SLC26A1: variants seen among roughly 807,000 people sequenced by gnomAD.
SLC26A1 encodes the protein solute carrier family 26 member 1.
A neutral mutation model predicts 14.5 loss-of-function variants in SLC26A1; 18 were observed. That is an observed-to-expected ratio of 1.24 (90% CI 0.86 to 1.84). The LOEUF (loss-of-function observed/expected upper bound fraction) is 1.84, where lower values mean the gene tolerates loss of function less well. Among genes scored for constraint, SLC26A1 ranks in the 40% most tolerant of loss-of-function variants. The pLI is 0.00. For synonymous variants in SLC26A1, 505 were observed against 492.0 expected (o/e 1.03, Z -0.35); for missense variants, 1,049 against 1,020.0 (o/e 1.03, Z -0.39).
chr4:987,653 C>T (rs1012469793), downstream of SLC26A1: 7 of 1,460,248 alleles, frequency 4.8e-6, no homozygotes, highest in Non-Finnish European at 6.3e-6. Context: ...GGGACCTCCC[C>T]ACATTCCTGG....
At chr4:981,060 G>A (rs1466828854) in intron 2 of SLC26A1, among the ~76,000 whole-genome samples, 5 of 152,132 alleles carry the variant, frequency 3.3e-5, no homozygotes, top group African/African-American at 1.2e-4. Flanking sequence ...ACCGGCCAGC[G>A]TGCGTCACGT....
At chr4:986,623 C>T (rs1284685732), downstream of SLC26A1, among the ~76,000 whole-genome samples, 2 of 152,148 alleles carry the variant, frequency 1.3e-5, no homozygotes, top group Non-Finnish European at 2.9e-5. Flanking sequence ...GGTAATTCTC[C>T]TTCCTGCTAA....
rs563007673 is a variant in SLC26A1, at chr4:989,850, G to A, written c.1089C>T (p.Phe363=). The change falls in exon 3 of 3, where the codon TTC becomes TTT. Residue 363 remains phenylalanine (F), a synonymous_variant. Coordinates refer to ENST00000398516, the MANE Select transcript of SLC26A1 (RefSeq NM_022042.4). ...AAFSISLAEM[F]ARSHGYSVRA... Reference sequence around the variant, plus strand: ...GCACAGAGTAGCCGTGACTGCGGGCGAACATCTCCGCCAGCGAGATGGAGA... The same window carrying A: ...GCACAGAGTAGCCGTGACTGCGGGCAAACATCTCCGCCAGCGAGATGGAGA... The A allele has an allele frequency of 3.3e-5, 52 of 1,577,316 alleles. No individual in the cohort carries two copies. Among genetic ancestry groups the A allele is most frequent in the East Asian group, 1.2e-4 (5 of 43,086 alleles).
At chr4:979,825 C>T (rs1490445995) in intron 2 of SLC26A1, among the ~76,000 whole-genome samples, 1 of 152,260 alleles carries the variant, frequency 6.6e-6, no homozygotes, top group Non-Finnish European at 1.5e-5. Flanking sequence ...TTGGCAGCGC[C>T]ACACTCCCTC....
In SLC26A1 at chr4:988,573, C is replaced by A; in HGVS notation, c.*260G>T. On this transcript the variant is annotated 3_prime_UTR_variant, in exon 3 of 3. Coordinates refer to ENST00000398516, the MANE Select transcript of SLC26A1 (RefSeq NM_022042.4). ...GGCCCATCCCTCCTGAGCTGAGGGA[C>A]GGTGCATTGGGGCCCAGCCAGCACT... is the stretch of plus-strand genomic sequence containing the variant. 7.5e-7 allele frequency: 1 copy of A among 1,327,340 alleles called. No individual in the cohort carries two copies. Among genetic ancestry groups the A allele is most frequent in the Non-Finnish European group, 9.6e-7 (1 of 1,041,264 alleles). 82.2% of individuals were successfully genotyped at this position (1,327,340 alleles called of 1,614,324 possible). A position where few individuals can be genotyped will look rare whatever the true frequency, so the allele number is the denominator to read the frequency against.
Position 989,060 on chromosome 4 carries a change from C to T in SLC26A1, c.1879G>A (p.Val627Met). 6.3e-7 allele frequency: 1 copy of T among 1,586,892 alleles called. No homozygotes were observed. The highest frequency in any genetic ancestry group is 8.6e-7 in the Non-Finnish European group (1 of 1,167,188). The change falls in exon 3 of 3, where the codon GTG becomes ATG. Residue 627 changes from valine (V) to methionine (M), a missense_variant. Transcript: ENST00000398516. ...CGGCGCAGGTCCTGCAGCGTGCTCA[C>T]ACCGGCTGCGTCTAGGAACAGCAGC... The part of the protein sequence containing the change: ...APLLFLDAAG[V>M]STLQDLRRDY...
chr4:987,351 C>A, downstream of SLC26A1: 3 of 1,078,842 alleles, frequency 2.8e-6, no homozygotes, highest in Non-Finnish European at 3.9e-6. Flanking sequence ...TCCTCTGGGG[C>A]CCTGGCTCTC....
chr4:987,294 G>GGT, downstream of SLC26A1: 1 of 1,481,060 alleles, frequency 6.8e-7, no homozygotes, highest in East Asian at 2.7e-5. Context: ...GAGAGCTCGG[G>GGT]CGCCCCCTGA....
At chr4:987,600 G>A (rs531641237), downstream of SLC26A1, 4 of 1,421,352 alleles carry the variant, frequency 2.8e-6, no homozygotes, top group South Asian at 4.4e-5. Context: ...CAGGGCTGGC[G>A]TTGGCCCCTC....
At chr4:979,539 G>GCCGCTGAC (rs763115038) in intron 2 of SLC26A1, 5 of 1,611,548 alleles carry the variant, frequency 3.1e-6, no homozygotes, top group Non-Finnish European at 4.2e-6. Flanking sequence ...CATGGTGGAG[G>GCCGCTGAC]CCGCTGACCC....
rs1258873667 is a variant in SLC26A1 at position 989,322 on chromosome 4, C to T, written c.1617G>A (p.Val539=). The change falls in exon 3 of 3, where the codon GTG becomes GTA. Residue 539 remains valine (V), a synonymous_variant. Coordinates refer to ENST00000398516, the MANE Select transcript of SLC26A1 (RefSeq NM_022042.4). The part of the protein sequence containing the change: ...EGLVPEPGVR[V]FRFGGPLYYA... ...AGTACAGCGGCCCCCCAAAGCGGAA[C>T]ACCCGCACGCCGGGCTCAGGGACGA... The T allele has an allele frequency of 6.2e-7, 1 of 1,609,860 alleles. No homozygotes were observed. The highest frequency in any genetic ancestry group is 1.1e-5 in the South Asian group (1 of 90,512).
At chr4:983,837 C>A (rs1713620206), downstream of SLC26A1, among the ~76,000 whole-genome samples, 1 of 152,130 alleles carries the variant, frequency 6.6e-6, no homozygotes, top group Non-Finnish European at 1.5e-5. Context: ...TTTGTCTTTT[C>A]TTTTTGAAAC....
At position 989,681 on chromosome 4, in the gene SLC26A1, C is replaced by T. The variant is rs1395466649; in HGVS notation, c.1258G>A (p.Ala420Thr). The change falls in exon 3 of 3, where the codon GCC (alanine) becomes ACC (threonine). Residue 420 changes from alanine to threonine, a missense_variant. Physicochemically the swap from Ala to Thr is moderately conservative, Grantham distance 58 (BLOSUM62 0). Coordinates refer to ENST00000398516, the MANE Select transcript of SLC26A1 (RefSeq NM_022042.4). ...AGCAGCACCAGCAGCACCACGGTGG[C>T]GCTGACCACGCTGGACAGCTGTGTC... Reference protein sequence around the residue: ...CRTQLSSVVSATVVLLVLLAL... With the variant: ...CRTQLSSVVSTTVVLLVLLAL... 3.2e-6 allele frequency: 5 copies of T among 1,564,922 alleles called. No individual in the cohort carries two copies. The highest frequency in any genetic ancestry group is 2.7e-5 in the African/African-American group (2 of 74,044).
downstream of SLC26A1, among the ~76,000 whole-genome samples, chr4:985,359 C>T (rs751272635): frequency 2.1e-5 from 3 of 145,582 alleles, no homozygotes; most frequent in Non-Finnish European, 4.6e-5. Flanking sequence ...TCAGAGGCTC[C>T]TCAGAGCTCC....
chr4:986,231 CATT>C (rs1713721108), downstream of SLC26A1, among the ~76,000 whole-genome samples: 1 of 152,072 alleles, frequency 6.6e-6, no homozygotes, highest in Non-Finnish European at 1.5e-5. Flanking sequence ...CTGTTCTTTC[CATT>C]ATTATTTTTA....
At chr4:985,032 C>G (rs75921727), downstream of SLC26A1, among the ~76,000 whole-genome samples, 278 of 152,314 alleles carry the variant, frequency 1.8e-3, 10 homozygotes, top group East Asian at 0.051. Flanking sequence ...CACAGGTGTC[C>G]CGGTGAGCGG....
Position 988,844 on chromosome 4 carries a change from C to T in SLC26A1, c.2095G>A (p.Ala699Thr), listed in dbSNP as rs756960266. Residue 699 changes from alanine (A) to threonine (T), a missense_variant, in exon 3 of 3, where the codon GCC (alanine) becomes ACC (threonine). Physicochemically the swap from Ala to Thr is moderately conservative, Grantham distance 58. Transcript: ENST00000398516. ...CAGGCCTGGCCCTGCTACAGATGGG[C>T]ATCGGTGGCCTCCAGCTCCCTGTGG... The part of the protein sequence containing the change: ...ARHRELEATD[A>T]HL The T allele has an allele frequency of 1.3e-6, 2 of 1,597,956 alleles. No individual in the cohort carries two copies. The highest frequency in any genetic ancestry group is 1.1e-5 in the South Asian group (1 of 88,706).
chr4:988,856 C>G lies in SLC26A1; in HGVS notation c.2083G>C (p.Glu695Gln). ...TGCTACAGATGGGCATCGGTGGCCT[C>G]CAGCTCCCTGTGGCGGGCTCGTGCT... is the stretch of plus-strand genomic sequence containing the variant. ...QTARARHREL[E>Q]ATDAHL Residue 695 changes from glutamate (E) to glutamine (Q), a missense_variant, in exon 3 of 3, where the codon GAG becomes CAG. Glu to Gln is a conservative substitution (Grantham distance 29). Coordinates refer to ENST00000398516, the MANE Select transcript of SLC26A1 (RefSeq NM_022042.4). The G allele has an allele frequency of 1.2e-6, 2 of 1,605,966 alleles. No individual in the cohort carries two copies. Among genetic ancestry groups the G allele is most frequent in the Non-Finnish European group, 1.7e-6 (2 of 1,176,674 alleles).
At chr4:979,729 C>G (rs1713482042) in intron 2 of SLC26A1, among the ~76,000 whole-genome samples, 1 of 152,194 alleles carries the variant, frequency 6.6e-6, no homozygotes, top group African/African-American at 2.4e-5. Context: ...TACCAGCTTC[C>G]CGTGAATCCG....
Sources: allele counts gnomAD v4.1 joint callset (sites outside exome capture counted in the v4.1 genomes callset), GRCh38; gene constraint gnomAD v4.1.1; transcripts MANE v1.5; gene names NCBI Gene and HGNC (gene_info 2026-07-23, HGNC 2026-07-21).